TBC1D1: variants seen among roughly 807,000 people sequenced by gnomAD.
TBC1D1 encodes the protein TBC1 domain family member 1, also known as TBC1 (tre-2/USP6, BUB2, cdc16) domain family, member 1.
In TBC1D1, 89 loss-of-function variants were observed where a neutral mutation model predicts 125.6. That is an observed-to-expected ratio of 0.71 (90% CI 0.60 to 0.85). The LOEUF (loss-of-function observed/expected upper bound fraction) is 0.85, where lower values mean the gene tolerates loss of function less well. Ranked by LOEUF, TBC1D1 falls within the 40% of genes least tolerant of loss-of-function variation. The pLI, the probability that TBC1D1 is intolerant of heterozygous loss-of-function variation, is 0.00. For synonymous variants in TBC1D1, 565 were observed against 564.1 expected, an observed-to-expected ratio of 1.00 and a Z score of -0.02; for missense variants, 1,377 against 1,469.2, an observed-to-expected ratio of 0.94 and a Z score of 1.03.
intron 2 of TBC1D1, among the ~76,000 whole-genome samples, chr4:37,908,932 A>C (rs1456116782): frequency 6.6e-6 from 1 of 152,198 alleles, no homozygotes; most frequent in Non-Finnish European, 1.5e-5. Context: ...ATTCCTTTTA[A>C]TGTCCTTTGA....
At chr4:37,909,121 A>G (rs1717989487) in intron 2 of TBC1D1, among the ~76,000 whole-genome samples, 1 of 152,212 alleles carries the variant, frequency 6.6e-6, no homozygotes, top group Non-Finnish European at 1.5e-5. Flanking sequence ...GTAAGGAACC[A>G]GTGTATTCTT....
Position 37,930,198 on chromosome 4 carries a change from A to G in TBC1D1, c.417+27686A>G, listed in dbSNP as rs12650634. ...AAATGAACTACAGTTATGTGTAAAA[A>G]CACGAGTGAATTCTAAAAACATAAT... On this transcript the variant is annotated intron_variant, in intron 2 of 19. Coordinates refer to ENST00000261439, the MANE Select transcript of TBC1D1 (RefSeq NM_015173.4). Among the ~76,000 whole-genome samples, 3,860 of 152,334 alleles carry G rather than the reference A, an allele frequency of 0.025. 458 individuals are homozygous for G. In the East Asian group the frequency reaches 0.35, roughly 14 times the overall value.
intron 12 of TBC1D1, among the ~76,000 whole-genome samples, chr4:38,087,087 A>G (rs985412986): frequency 6.6e-6 from 1 of 152,226 alleles, no homozygotes; most frequent in Non-Finnish European, 1.5e-5. Flanking sequence ...GTAAGAATCA[A>G]ACAAGCTTAT....
At chr4:38,057,907 G>A (rs1752027063) in intron 12 of TBC1D1, among the ~76,000 whole-genome samples, 1 of 152,128 alleles carries the variant, frequency 6.6e-6, no homozygotes, top group South Asian at 2.1e-4. Context: ...CACAGCACTG[G>A]GCTGCAGCCA....
In TBC1D1 at chr4:37,942,835, C is replaced by T. The variant is rs187235345; in HGVS notation, c.417+40323C>T. On this transcript the variant is annotated intron_variant, in intron 2 of 19. Transcript: ENST00000261439. ...GATTACAGGCGTGAGCCACCGTGCC[C>T]GGCTAGGTTAATATTGTTATATGTG... is the stretch of plus-strand genomic sequence containing the variant. 1.3e-3 allele frequency among the ~76,000 whole-genome samples: 191 copies of T among 152,180 alleles called. 1 individual carries two copies. The Middle Eastern group carries it at 0.017, about 14-fold the overall frequency.
chr4:38,062,685 A>C (rs918768202), intron 12 of TBC1D1, among the ~76,000 whole-genome samples: 39 of 145,984 alleles, frequency 2.7e-4, no homozygotes, highest in Non-Finnish European at 4.6e-4. Context: ...CAAGGAAGTC[A>C]CAGTGAATGG....
chr4:37,907,646 G>A (rs1386603809), intron 2 of TBC1D1, among the ~76,000 whole-genome samples: 1 of 152,096 alleles, frequency 6.6e-6, no homozygotes, highest in Non-Finnish European at 1.5e-5. Context: ...TTGAGTCCAT[G>A]GTAAGTAAAC....
At chr4:38,025,161 C>T (rs1744824208) in intron 6 of TBC1D1, among the ~76,000 whole-genome samples, 2 of 152,328 alleles carry the variant, frequency 1.3e-5, no homozygotes, top group South Asian at 2.1e-4. Flanking sequence ...CATCACCGCT[C>T]TCTCTAACAA....
chr4:38,016,314 C>T (rs1742708047), intron 3 of TBC1D1, among the ~76,000 whole-genome samples: 1 of 152,180 alleles, frequency 6.6e-6, no homozygotes, highest in Non-Finnish European at 1.5e-5. Flanking sequence ...TCTGGGCTCA[C>T]AGAGCAGCAG....
At chr4:37,971,188 A>G (rs918566208) in intron 2 of TBC1D1, among the ~76,000 whole-genome samples, 1 of 152,218 alleles carries the variant, frequency 6.6e-6, no homozygotes, top group Non-Finnish European at 1.5e-5. Context: ...ATGGTGAGAC[A>G]TTAAAGCATC....
At chr4:38,050,061 G>A (rs1046498018) in intron 11 of TBC1D1, among the ~76,000 whole-genome samples, 163 bp downstream of exon 11, 5 of 152,216 alleles carry the variant, frequency 3.3e-5, no homozygotes, top group Non-Finnish European at 7.3e-5. Context: ...CGAGCTGCTT[G>A]TGAGTATACA....
intron 8 of TBC1D1, among the ~76,000 whole-genome samples, chr4:38,037,584 G>A (rs1362779896): frequency 4.6e-5 from 7 of 152,098 alleles, no homozygotes; most frequent in African/African-American, 9.7e-5. Flanking sequence ...GTTTAGCCAC[G>A]TGGATTTCAT....
intron 12 of TBC1D1, among the ~76,000 whole-genome samples, chr4:38,062,094 G>A (rs1263293022): frequency 3.9e-5 from 6 of 152,066 alleles, no homozygotes; most frequent in Non-Finnish European, 5.9e-5. Flanking sequence ...TGGGGTCTGG[G>A]CCTGAATTCT....
chr4:38,036,386 A>T (rs921948027), intron 8 of TBC1D1, among the ~76,000 whole-genome samples: 1 of 152,230 alleles, frequency 6.6e-6, no homozygotes, highest in Non-Finnish European at 1.5e-5. Flanking sequence ...GAGTCCATTC[A>T]TAATGAACCA....
At chr4:38,081,234 G>T (rs889965318) in intron 12 of TBC1D1, among the ~76,000 whole-genome samples, 1 of 152,128 alleles carries the variant, frequency 6.6e-6, no homozygotes, top group African/African-American at 2.4e-5. Context: ...TGTTTTCTGT[G>T]CTCAGGGCGC....
At chr4:38,120,074 A>AAT (rs1276216584) in intron 17 of TBC1D1, 1 of 985,304 alleles carries the variant, frequency 1.0e-6, no homozygotes, top group Non-Finnish European at 1.2e-6. Flanking sequence ...AGCTCACTCT[A>AAT]ATGACTTCAT....
Position 38,053,294 on chromosome 4 carries a change from G to C in TBC1D1, c.1911-905G>C, listed in dbSNP as rs1163002263. ...GTTGAATATCATTAGATATACAAGG[G>C]TGTTTTAATTACTATTTTGCCATTT... On this transcript the variant is annotated intron_variant, in intron 11 of 19. Transcript: ENST00000261439. 14 of 1,191,092 alleles carry C rather than the reference G, an allele frequency of 1.2e-5. No individual in the cohort carries two copies. In the South Asian group the frequency reaches 1.3e-4, roughly 11 times the overall value. 73.8% of individuals were successfully genotyped at this position (1,191,092 alleles called of 1,614,324 possible). A position where few individuals can be genotyped will look rare whatever the true frequency, so the allele number is the denominator to read the frequency against.
chr4:37,937,313 C>T (rs551592507), intron 2 of TBC1D1, among the ~76,000 whole-genome samples: 1 of 152,334 alleles, frequency 6.6e-6, no homozygotes, highest in Admixed American at 6.5e-5. Context: ...GGGGGCCACG[C>T]TGCCATCTTC....
chr4:38,082,447 A>C (rs1756737304), intron 12 of TBC1D1, among the ~76,000 whole-genome samples: 1 of 152,194 alleles, frequency 6.6e-6, no homozygotes, highest in Admixed American at 6.5e-5. Flanking sequence ...AAAGATCAGC[A>C]CTTAAGATTC....
Sources: allele counts gnomAD v4.1 joint callset (sites outside exome capture counted in the v4.1 genomes callset), GRCh38; gene constraint gnomAD v4.1.1; transcripts MANE v1.5; gene names NCBI Gene and HGNC (gene_info 2026-07-23, HGNC 2026-07-21).